The following PALLD variants were observed in gnomAD, a reference collection of about 807,000 sequenced individuals.
The protein encoded by PALLD is palladin.
Under a neutral mutation model 123.5 loss-of-function variants are expected in PALLD, and 61 were observed. The ratio of observed to expected loss-of-function variants is 0.49; its 90% CI spans 0.40 to 0.61. The LOEUF is 0.61. Among genes scored for constraint, PALLD ranks in the 20% least tolerant of loss-of-function variants. PALLD has a pLI of 0.00. For synonymous variants in PALLD, 465 were observed against 496.4 expected (o/e 0.94, Z 0.84); for missense variants, 1,273 against 1,377.0 (o/e 0.92, Z 1.20).
intron 10 of PALLD, among the ~76,000 whole-genome samples, chr4:168,749,572 T>C (rs990273074): frequency 6.6e-6 from 1 of 152,058 alleles, no homozygotes; most frequent in African/African-American, 2.4e-5. Context: ...CTGGGCATCA[T>C]GGGCACCTGT....
intron 2 of PALLD, among the ~76,000 whole-genome samples, chr4:168,612,022 T>C (rs1188098869): frequency 1.3e-5 from 2 of 152,118 alleles, no homozygotes; most frequent in Non-Finnish European, 2.9e-5. Context: ...TAGCCAGGTG[T>C]GGTGGTACAT....
Position 168,898,650 on chromosome 4 carries a change from A to T in PALLD, c.2408A>T (p.Tyr803Phe). 1 of 1,614,198 alleles carries T rather than the reference A, an allele frequency of 6.2e-7. No individual in the cohort carries two copies. Among genetic ancestry groups the T allele is most frequent in the Non-Finnish European group, 8.5e-7 (1 of 1,180,008 alleles). Residue 803 changes from tyrosine (Y) to phenylalanine (F), a missense_variant, in exon 14 of 22, where the codon TAC becomes TTC. By Grantham distance (22) the Tyr-to-Phe change is conservative. This residue lies in a region of PALLD where 329 missense variants were observed against 422.5 expected (regional missense o/e 0.78). Transcript: ENST00000505667. The part of the protein sequence containing the change: ...APFFEMKLKH[Y>F]KIFEGMPVTF... ...TTCTTTGAGATGAAGCTGAAACATT[A>T]CAAGATCTTTGAGGGAATGCCAGTA...
intron 10 of PALLD, among the ~76,000 whole-genome samples, chr4:168,778,998 T>A (rs1277157405): frequency 1.3e-5 from 2 of 152,174 alleles, no homozygotes; most frequent in Non-Finnish European, 2.9e-5. Context: ...AAGAATACAT[T>A]GACATTGAAT....
At chr4:168,533,945 A>C (rs1321598536) in intron 2 of PALLD, among the ~76,000 whole-genome samples, 1 of 152,192 alleles carries the variant, frequency 6.6e-6, no homozygotes, top group Non-Finnish European at 1.5e-5. Flanking sequence ...ATAACTGACA[A>C]TGTCATTTCT....
intron 2 of PALLD, among the ~76,000 whole-genome samples, chr4:168,530,921 T>A (rs1305052229): frequency 6.6e-6 from 1 of 152,346 alleles, no homozygotes; most frequent in East Asian, 1.9e-4. Context: ...CTTTTCCCTC[T>A]AATAAACAGG....
chr4:168,738,538 C>A (rs1247473306), intron 10 of PALLD, among the ~76,000 whole-genome samples: 1 of 151,094 alleles, frequency 6.6e-6, no homozygotes, highest in Non-Finnish European at 1.5e-5. Flanking sequence ...TCAAGCAATT[C>A]TCCTGCCTCC....
rs770458533 is a variant in PALLD, at chr4:168,512,112, G to T, written c.608G>T (p.Gly203Val). Residue 203 changes from glycine (G) to valine (V), a missense_variant, in exon 2 of 22, where the codon GGG becomes GTG. By Grantham distance (109) the Gly-to-Val change is moderately radical. This residue lies in a region of PALLD where 944 missense variants were observed against 954.5 expected (regional missense o/e 0.99). Coordinates refer to ENST00000505667, the MANE Select transcript of PALLD (RefSeq NM_001166108.2). ...GGGGAGTCCTCGTCACCAGACAGTG[G>T]GTACCTGTCTCCTAAAAATCAGCCG... ...PNGESSSPDS[G>V]YLSPKNQPSA... is the part of the protein sequence containing the mutation. The T allele has an allele frequency of 5.6e-6, 9 of 1,614,068 alleles. No individual in the cohort carries two copies. Among genetic ancestry groups the T allele is most frequent in the Non-Finnish European group, 7.6e-6 (9 of 1,180,018 alleles).
rs182300785 is a variant in PALLD, at chr4:168,607,288, C to A, written c.909-60902C>A. 4.6e-5 allele frequency among the ~76,000 whole-genome samples: 7 copies of A among 152,284 alleles called. No homozygotes were observed. The East Asian group carries it at 1.3e-3, about 29-fold the overall frequency. On this transcript the variant is annotated intron_variant, in intron 2 of 21. Coordinates refer to ENST00000505667, the MANE Select transcript of PALLD (RefSeq NM_001166108.2). The stretch of plus-strand genomic sequence containing the variant: ...TTCTTTGGAGCATCTGCCTGTCTCC[C>A]CTTTCATTCCCACCACACTTAATGT...
At chr4:168,653,488 C>A (rs1297441112) in intron 2 of PALLD, among the ~76,000 whole-genome samples, 1 of 152,244 alleles carries the variant, frequency 6.6e-6, no homozygotes, top group Non-Finnish European at 1.5e-5. Flanking sequence ...TGTACACAGA[C>A]TTGAAAGCTG....
At chr4:168,545,301 C>T (rs909232124) in intron 2 of PALLD, among the ~76,000 whole-genome samples, 8 of 151,832 alleles carry the variant, frequency 5.3e-5, no homozygotes, top group Non-Finnish European at 1.0e-4. Flanking sequence ...GTGAGGCAGG[C>T]GGATTACCTG....
In PALLD at chr4:168,927,853, T is replaced by TTA. The variant is rs1409765736; in HGVS notation, c.*1674_*1675dup. Reference sequence around the variant, plus strand: ...ACCTAGTAGTATAAAACATGAGGCTTTAATGGTACTTTGCTATGAAAAGAA... The same window carrying TTA: ...ACCTAGTAGTATAAAACATGAGGCTTTATAATGGTACTTTGCTATGAAAAGAA... On this transcript the variant is annotated 3_prime_UTR_variant, in exon 22 of 22. Transcript: ENST00000505667. The TTA allele has an allele frequency of 4.2e-5, 9 of 212,126 alleles. No homozygotes were observed. The highest frequency in any genetic ancestry group is 2.0e-4 in the African/African-American group (9 of 44,262). The allele number at this position is 212,126 out of a possible 1,614,324, so 13.1% of individuals were successfully genotyped here. A position where few individuals can be genotyped will look rare whatever the true frequency, so the allele number is the denominator to read the frequency against.
Position 168,820,911 on chromosome 4 carries a change from G to T in PALLD, c.1965-70011G>T, listed in dbSNP as rs915894064. On this transcript the variant is annotated intron_variant, in intron 10 of 21. Coordinates refer to ENST00000505667, the MANE Select transcript of PALLD (RefSeq NM_001166108.2). The stretch of plus-strand genomic sequence containing the variant: ...TTTTGCAATGTTGTATGTCATACCA[G>T]TGAAGGAATCTAATGATACTATTAT... Among the ~76,000 whole-genome samples, 8 of 152,306 alleles carry T rather than the reference G, an allele frequency of 5.3e-5. No individual in the cohort carries two copies. In the East Asian group the frequency reaches 9.6e-4, roughly 18 times the overall value.
chr4:168,567,615 A>C (rs1768538757), intron 2 of PALLD, among the ~76,000 whole-genome samples: 1 of 149,368 alleles, frequency 6.7e-6, no homozygotes, highest in Admixed American at 6.7e-5. Flanking sequence ...TATAATATAC[A>C]CACATGTACA....
chr4:168,685,859 G>C (rs1781995124), intron 6 of PALLD, among the ~76,000 whole-genome samples: 1 of 148,358 alleles, frequency 6.7e-6, no homozygotes, highest in Non-Finnish European at 1.5e-5. Context: ...AAATTGCTTA[G>C]GAGATCTAGC....
chr4:168,622,626 G>C (rs1344449741), intron 2 of PALLD, among the ~76,000 whole-genome samples: 4 of 152,204 alleles, frequency 2.6e-5, no homozygotes, highest in African/African-American at 9.7e-5. Flanking sequence ...AAGCCCAAAA[G>C]AGAAGTAGCA....
intron 10 of PALLD, among the ~76,000 whole-genome samples, chr4:168,808,285 C>G (rs1414904076): frequency 6.6e-6 from 1 of 151,574 alleles, no homozygotes; most frequent in Non-Finnish European, 1.5e-5. Flanking sequence ...TCGAGACCAT[C>G]CTGGCTAACA....
At chr4:168,777,784 G>A (rs970951785) in intron 10 of PALLD, among the ~76,000 whole-genome samples, 2 of 152,194 alleles carry the variant, frequency 1.3e-5, no homozygotes, top group Non-Finnish European at 2.9e-5. Flanking sequence ...GCCTTAGGTT[G>A]GTACAGACAA....
intron 2 of PALLD, among the ~76,000 whole-genome samples, chr4:168,595,396 T>C (rs894100969): frequency 6.6e-5 from 10 of 152,150 alleles, no homozygotes; most frequent in Non-Finnish European, 1.5e-5. Context: ...TGCCTAAGCC[T>C]GTGGTATGGT....
chr4:168,794,957 G>T (rs1738271040), intron 10 of PALLD, among the ~76,000 whole-genome samples: 1 of 152,196 alleles, frequency 6.6e-6, no homozygotes, highest in Admixed American at 6.5e-5. Flanking sequence ...AGGCTGGGAA[G>T]TCCCAGATCT....
Sources: allele counts gnomAD v4.1 joint callset (sites outside exome capture counted in the v4.1 genomes callset), GRCh38; gene constraint gnomAD v4.1.1; regional missense constraint gnomAD v4.1.1; transcripts MANE v1.5; gene names NCBI Gene and HGNC (gene_info 2026-07-23, HGNC 2026-07-21).